LHX5: variants seen among roughly 807,000 people sequenced by gnomAD.
The protein encoded by LHX5 is LIM/homeobox protein Lhx5.
LHX5 carries 5 observed loss-of-function variants against 30.6 expected under a neutral mutation model. The ratio of observed to expected loss-of-function variants is 0.16; its 90% CI spans 0.09 to 0.34. The LOEUF (loss-of-function observed/expected upper bound fraction) is 0.34, where lower values mean the gene tolerates loss of function less well. LHX5 is among the 10% of genes least tolerant of loss of function. The pLI is 1.00. For missense variants in LHX5, 458 were observed against 570.6 expected (o/e 0.80, Z 2.01); for synonymous variants, 266 against 252.6 (o/e 1.05, Z -0.50).
chr12:113,470,177 CG>C (rs1958239622), intron 1 of LHX5, among the ~76,000 whole-genome samples: 1 of 152,028 alleles, frequency 6.6e-6, no homozygotes, highest in Non-Finnish European at 1.5e-5. Flanking sequence ...CAGCCTCCCC[CG>C]AAATAGGAGA....
In LHX5 at chr12:113,463,409, G is replaced by A. The variant is rs777828090; in HGVS notation, c.990C>T (p.Leu330=). 7.0e-5 allele frequency: 109 copies of A among 1,553,586 alleles called. 2 individuals are homozygous for A. Among genetic ancestry groups the A allele is most frequent in the Admixed American group, 2.7e-4 (14 of 52,800 alleles). The change falls in exon 5 of 5, where the codon CTC becomes CTT. Residue 330 remains leucine (L), a synonymous_variant. Transcript: ENST00000261731. The surrounding 1 kb of genome is among the most constrained non-coding windows in gnomAD (Gnocchi z 6.7). ...STPLGALEPP[L]AGPHAADNPR... is the part of the protein sequence containing the mutation. Reference sequence around the variant, plus strand: ...GGTTGTCCGCGGCGTGCGGGCCGGCGAGCGGCGGTTCCAGCGCTCCCAGCG... The same window carrying A: ...GGTTGTCCGCGGCGTGCGGGCCGGCAAGCGGCGGTTCCAGCGCTCCCAGCG...
chr12:113,467,555 G>C lies in LHX5; in HGVS notation c.676-134C>G, dbSNP rs1044337351. On this transcript the variant is annotated intron_variant, in intron 3 of 4. Coordinates refer to ENST00000261731, the MANE Select transcript of LHX5 (RefSeq NM_022363.3). This position sits in a 1 kb window ranked among gnomAD's most constrained non-coding sequence, Gnocchi z 6.3. ...ACCAGGACTCCCCCGAGGCGGGGCC[G>C]GGCCGGATTAGGCCGGGAGGGGTGG... 1.1e-6 allele frequency: 1 copy of C among 885,870 alleles called. No individual in the cohort carries two copies. The highest frequency in any genetic ancestry group is 2.9e-5 in the South Asian group (1 of 34,690). The allele number at this position is 885,870 out of a possible 1,614,324, so 54.9% of individuals were successfully genotyped here. A position where few individuals can be genotyped will look rare whatever the true frequency, so the allele number is the denominator to read the frequency against.
intron 2 of LHX5, among the ~76,000 whole-genome samples, chr12:113,468,634 C>T (rs975362861): frequency 6.6e-6 from 1 of 152,186 alleles, no homozygotes. Flanking sequence ...GCCCTCTCCG[C>T]GCGTCTCAGC....
intron 1 of LHX5, 123 bp from the exon 2 acceptor site, chr12:113,469,468 C>A: frequency 9.5e-6 from 8 of 843,996 alleles, no homozygotes; most frequent in Non-Finnish European, 1.5e-5. Flanking sequence ...TCAAACGGAA[C>A]CCCAATCCTG....
rs766488566 is a variant in LHX5, at chr12:113,467,473, CCCT to C, written c.676-55_676-53del. 7.3e-7 allele frequency: 1 copy of C among 1,371,402 alleles called. No homozygotes were observed. The highest frequency in any genetic ancestry group is 2.8e-5 in the East Asian group (1 of 35,698). 85.0% of individuals were successfully genotyped at this position (1,371,402 alleles called of 1,614,324 possible). ...CCAGGATCAGGAGTGTCCTCTCCCC[CCCT>C]CTTCTCCCTTCCCTGACTGGGCTGC... On this transcript the variant is annotated intron_variant, in intron 3 of 4. Coordinates refer to ENST00000261731, the MANE Select transcript of LHX5 (RefSeq NM_022363.3). The surrounding 1 kb of genome is among the most constrained non-coding windows in gnomAD (Gnocchi z 6.3).
At chr12:113,470,924 T>C (rs947108700) in intron 1 of LHX5, among the ~76,000 whole-genome samples, 8 of 152,214 alleles carry the variant, frequency 5.3e-5, no homozygotes, top group African/African-American at 1.4e-4. Context: ...GCTCACACAT[T>C]CTGCCTGGAG....
At position 113,463,292 on chromosome 12, in the gene LHX5, G is replaced by T; in HGVS notation, c.1107C>A (p.Phe369Leu). The change falls in exon 5 of 5, where the codon TTC becomes TTA. Residue 369 changes from phenylalanine (F) to leucine (L), a missense_variant. Around this residue, in one of 3 missense-constraint regions of LHX5, gnomAD observed 255 missense variants for 246.8 expected, o/e 1.03. Coordinates refer to ENST00000261731, the MANE Select transcript of LHX5 (RefSeq NM_022363.3). The surrounding 1 kb of genome is among the most constrained non-coding windows in gnomAD (Gnocchi z 6.7). ...GTLHPMPGEV[F>L]SGGPSPPFPM... ...GGAAGGGCGGGCTGGGCCCGCCGCT[G>T]AATACCTCGCCGGGCATGGGGTGCA... 1 of 1,530,000 alleles carries T rather than the reference G, an allele frequency of 6.5e-7. No individual in the cohort carries two copies. Among genetic ancestry groups the T allele is most frequent in the Non-Finnish European group, 8.8e-7 (1 of 1,141,496 alleles). 94.8% of individuals were successfully genotyped at this position (1,530,000 alleles called of 1,614,324 possible).
chr12:113,462,113 T>A lies in LHX5; in HGVS notation c.*1077A>T, dbSNP rs1457276257. 3 of 152,204 alleles carry A rather than the reference T, an allele frequency of 2.0e-5. No homozygotes were observed. The highest frequency in any genetic ancestry group is 4.4e-5 in the Non-Finnish European group (3 of 68,036). 9.4% of individuals were successfully genotyped at this position (152,204 alleles called of 1,614,324 possible). On this transcript the variant is annotated 3_prime_UTR_variant, in exon 5 of 5. Coordinates refer to ENST00000261731, the MANE Select transcript of LHX5 (RefSeq NM_022363.3). Reference sequence around the variant, plus strand: ...TTTTGTTTTTGTTTTTTGTTTTTTTTAGGTAAACCTCTTTCTGCTTCCCCT... The same window carrying A: ...TTTTGTTTTTGTTTTTTGTTTTTTTAAGGTAAACCTCTTTCTGCTTCCCCT...
In LHX5 at chr12:113,466,307, G is replaced by A. The variant is rs1053145629; in HGVS notation, c.841+949C>T. ...GGAAGAACAGGACAGTGAGCTTGGT[G>A]AGCTCAAGCAATGCGGCTCAGGGTA... On this transcript the variant is annotated intron_variant, in intron 4 of 4. Coordinates refer to ENST00000261731, the MANE Select transcript of LHX5 (RefSeq NM_022363.3). This position sits in a 1 kb window ranked among gnomAD's most constrained non-coding sequence, Gnocchi z 6.5. 6.6e-6 allele frequency among the ~76,000 whole-genome samples: 1 copy of A among 152,216 alleles called. No homozygotes were observed. The highest frequency in any genetic ancestry group is 1.5e-5 in the Non-Finnish European group (1 of 68,044).
intron 1 of LHX5, among the ~76,000 whole-genome samples, chr12:113,470,395 G>C (rs1389353775): frequency 6.6e-6 from 1 of 152,248 alleles, no homozygotes; most frequent in African/African-American, 2.4e-5. Flanking sequence ...CACTTTGCAA[G>C]CACTGCTACA....
chr12:113,462,940 A>C lies in LHX5; in HGVS notation c.*250T>G. On this transcript the variant is annotated 3_prime_UTR_variant, in exon 5 of 5. Transcript: ENST00000261731. The stretch of plus-strand genomic sequence containing the variant: ...GGAGTATTGACTTTGGTCCCAAGAA[A>C]TTGCTCGCGGTTGCTGGGAGAGTAC... 1 of 412,000 alleles carries C rather than the reference A, an allele frequency of 2.4e-6. No individual in the cohort carries two copies. The highest frequency in any genetic ancestry group is 4.3e-6 in the Non-Finnish European group (1 of 230,684). The allele number at this position is 412,000 out of a possible 1,614,324, so 25.5% of individuals were successfully genotyped here.
chr12:113,467,527 C>A lies in LHX5; in HGVS notation c.676-106G>T. On this transcript the variant is annotated intron_variant, in intron 3 of 4. Transcript: ENST00000261731. This position sits in a 1 kb window ranked among gnomAD's most constrained non-coding sequence, Gnocchi z 6.3. ...CCCTGCTGGGTCCTTGCGCCTCTTC[C>A]GCACCAGGACTCCCCCGAGGCGGGG... 1 of 1,060,558 alleles carries A rather than the reference C, an allele frequency of 9.4e-7. No individual in the cohort carries two copies. Among genetic ancestry groups the A allele is most frequent in the East Asian group, 3.1e-5 (1 of 32,778 alleles). The allele number at this position is 1,060,558 out of a possible 1,614,324, so 65.7% of individuals were successfully genotyped here.
At position 113,469,440 on chromosome 12, in the gene LHX5, T is replaced by C. The variant is rs1437230677; in HGVS notation, c.174-95A>G. The stretch of plus-strand genomic sequence containing the variant: ...CCCACCCGACCTGGCTTCGGTGAAG[T>C]CCCCATTTCCATATCTGTCAAACGG... On this transcript the variant is annotated intron_variant, in intron 1 of 4. Transcript: ENST00000261731. The C allele has an allele frequency of 3.6e-6, 4 of 1,109,818 alleles. No individual in the cohort carries two copies. In the African/African-American group the frequency reaches 4.6e-5, roughly 13 times the overall value. 68.7% of individuals were successfully genotyped at this position (1,109,818 alleles called of 1,614,324 possible).
At position 113,462,791 on chromosome 12, in the gene LHX5, G is replaced by A. The variant is rs1452216345; in HGVS notation, c.*399C>T. On this transcript the variant is annotated 3_prime_UTR_variant, in exon 5 of 5. Coordinates refer to ENST00000261731, the MANE Select transcript of LHX5 (RefSeq NM_022363.3). ...AAATGCCACTCGGATTGCAGAGAGA[G>A]GGAAAAACACCGTCTCCGCCCCTTG... 3 of 143,102 alleles carry A rather than the reference G, an allele frequency of 2.1e-5. No individual in the cohort carries two copies. Among genetic ancestry groups the A allele is most frequent in the Non-Finnish European group, 4.1e-5 (3 of 72,928 alleles). 8.9% of individuals were successfully genotyped at this position (143,102 alleles called of 1,614,324 possible).
rs1221666015 is a variant in LHX5, at chr12:113,464,437, C to A, written c.842-880G>T. Among the ~76,000 whole-genome samples the A allele has an allele frequency of 1.3e-5, 2 of 152,208 alleles. No individual in the cohort carries two copies. The highest frequency in any genetic ancestry group is 2.9e-5 in the Non-Finnish European group (2 of 68,030). Reference sequence around the variant, plus strand: ...GTTGGGCCGGGCGGGGCGGCCTTGGCGCCCTAAACTCGGTCCCTGCGCCCT... The same window carrying A: ...GTTGGGCCGGGCGGGGCGGCCTTGGAGCCCTAAACTCGGTCCCTGCGCCCT... On this transcript the variant is annotated intron_variant, in intron 4 of 4. Transcript: ENST00000261731. This position sits in a 1 kb window ranked among gnomAD's most constrained non-coding sequence, Gnocchi z 6.2.
chr12:113,468,380 A>G lies in LHX5; in HGVS notation c.422T>C (p.Leu141Ser). ...NSVSSCTDRS[L>S]SPDLQDALQD... ...CAGTGCGTCCTGGAGGTCCGGGGACAAACTGCGGTCCGTACAGGATGACAC... is the reference window on the plus strand; with the variant it reads ...CAGTGCGTCCTGGAGGTCCGGGGACGAACTGCGGTCCGTACAGGATGACAC... The change falls in exon 3 of 5, where the codon TTG becomes TCG. Residue 141 changes from leucine (L) to serine (S), a missense_variant. This residue lies in a region of LHX5 where 178 missense variants were observed against 238.5 expected (regional missense o/e 0.75). Coordinates refer to ENST00000261731, the MANE Select transcript of LHX5 (RefSeq NM_022363.3). 1 of 1,613,944 alleles carries G rather than the reference A, an allele frequency of 6.2e-7. No individual in the cohort carries two copies. Among genetic ancestry groups the G allele is most frequent in the Non-Finnish European group, 8.5e-7 (1 of 1,179,866 alleles).
intron 1 of LHX5, among the ~76,000 whole-genome samples, chr12:113,470,580 C>T (rs995859475): frequency 6.6e-6 from 1 of 152,200 alleles, no homozygotes; most frequent in Non-Finnish European, 1.5e-5. Context: ...ACAAAGCCGG[C>T]TCTGGGTGCC....
rs1222533324 is a variant in LHX5 at position 113,464,516 on chromosome 12, C to G, written c.842-959G>C. ...CCAAGTACGGCCGCCGCGTCGATCC[C>G]GGTGAGACCATTTGTACCGGCCTAG... On this transcript the variant is annotated intron_variant, in intron 4 of 4. Coordinates refer to ENST00000261731, the MANE Select transcript of LHX5 (RefSeq NM_022363.3). The surrounding 1 kb of genome is among the most constrained non-coding windows in gnomAD (Gnocchi z 6.2). 2.0e-5 allele frequency among the ~76,000 whole-genome samples: 3 copies of G among 152,284 alleles called. No individual in the cohort carries two copies. Among genetic ancestry groups the G allele is most frequent in the African/African-American group, 7.2e-5 (3 of 41,560 alleles).
In LHX5 at chr12:113,463,500, GGGCCGTGCGCGAAGA is replaced by G; in HGVS notation, c.884_898del (p.Phe295_Pro300delinsSer). 6.4e-7 allele frequency: 1 copy of G among 1,566,164 alleles called. No homozygotes were observed. Among genetic ancestry groups the G allele is most frequent in the Non-Finnish European group, 8.6e-7 (1 of 1,163,590 alleles). ...GGCCGGGGACTGCGCCTGCGAAGGC[GGGCCGTGCGCGAAGA>G]AGTCGTAGTTGCTTCCCGGCGCGTA... On this transcript the variant is annotated inframe_deletion, in exon 5 of 5. Transcript: ENST00000261731. This position sits in a 1 kb window ranked among gnomAD's most constrained non-coding sequence, Gnocchi z 6.7.
Sources: gnomAD v4.1 joint callset for allele counts (sites outside exome capture counted in the v4.1 genomes callset) on GRCh38, gnomAD v4.1.1 for gene constraint, gnomAD v4.1.1 regional missense constraint, Gnocchi (gnomAD v3.1) non-coding constraint, MANE v1.5 for transcripts, NCBI Gene and HGNC (gene_info 2026-07-23, HGNC 2026-07-21) for gene names.